TENM4: variants seen among roughly 807,000 people sequenced by gnomAD.
TENM4 encodes teneurin transmembrane protein 4.
A neutral mutation model predicts 243.3 loss-of-function variants in TENM4; 82 were observed. That is an observed-to-expected ratio of 0.34 (90% confidence interval 0.28 to 0.40). The LOEUF is 0.40. TENM4 is among the 10% of genes least tolerant of loss of function. The pLI is 1.00. For synonymous variants in TENM4, 1,412 were observed against 1,456.3 expected (o/e 0.97, Z 0.69); for missense variants, 3,138 against 3,673.3 (o/e 0.85, Z 3.77).
chr11:78,720,330 G>A, intron 25 of TENM4, 40 bp downstream of exon 25: 2 of 1,612,072 alleles, frequency 1.2e-6, no homozygotes, highest in Non-Finnish European at 1.7e-6. Context: ...CATGCAACAA[G>A]GCAGGGGTGA....
intron 9 of TENM4, among the ~76,000 whole-genome samples, chr11:78,879,852 C>T (rs536985831): frequency 1.3e-4 from 20 of 151,984 alleles, no homozygotes; most frequent in Non-Finnish European, 2.2e-4. Context: ...CTGGCTGCCC[C>T]GTCTGGGAAC....
chr11:78,748,185 T>G (rs969646326), intron 19 of TENM4, among the ~76,000 whole-genome samples: 7 of 152,390 alleles, frequency 4.6e-5, no homozygotes, highest in African/African-American at 1.4e-4. Flanking sequence ...TTAACATTAC[T>G]GCTATTTAGT....
At chr11:79,034,581 TAA>T (rs72065276) in intron 6 of TENM4, among the ~76,000 whole-genome samples, 17 of 149,702 alleles carry the variant, frequency 1.1e-4, no homozygotes, top group South Asian at 4.2e-4. Context: ...GAAGTTTAAT[TAA>T]AAAAAATTTT....
At chr11:78,820,921 G>A (rs1187002451) in intron 12 of TENM4, among the ~76,000 whole-genome samples, 1 of 152,246 alleles carries the variant, frequency 6.6e-6, no homozygotes, top group Non-Finnish European at 1.5e-5. Context: ...CACTGGGCAG[G>A]TGCCAGGTGC....
intron 28 of TENM4, among the ~76,000 whole-genome samples, chr11:78,701,078 T>C (rs961761363): frequency 1.3e-5 from 2 of 152,212 alleles, no homozygotes; most frequent in African/African-American, 4.8e-5. Context: ...TTTTTGGAAT[T>C]TGAAGACAAG....
At chr11:79,107,732 C>T (rs1249987662) in intron 4 of TENM4, among the ~76,000 whole-genome samples, 9 of 152,234 alleles carry the variant, frequency 5.9e-5, no homozygotes, top group Non-Finnish European at 1.2e-4. Flanking sequence ...GTCTAATGCC[C>T]TTGATGCCAC....
intron 6 of TENM4, among the ~76,000 whole-genome samples, chr11:78,981,811 T>A (rs1857801017): frequency 6.6e-6 from 1 of 152,182 alleles, no homozygotes; most frequent in Non-Finnish European, 1.5e-5. Flanking sequence ...AGAGTCTTCA[T>A]AAAAACCCAC....
intron 33 of TENM4, among the ~76,000 whole-genome samples, chr11:78,660,705 C>T (rs1418498451): frequency 3.3e-5 from 5 of 152,170 alleles, no homozygotes; most frequent in Non-Finnish European, 1.5e-5. Flanking sequence ...TCACTGGGCA[C>T]AGCATGGGGC....
chr11:79,060,019 C>T (rs1444778149), intron 6 of TENM4, among the ~76,000 whole-genome samples: 1 of 152,358 alleles, frequency 6.6e-6, no homozygotes, highest in South Asian at 2.1e-4. Flanking sequence ...TAGAATCATG[C>T]TGCACACTGA....
chr11:79,037,505 A>T (rs1244453743), intron 6 of TENM4, among the ~76,000 whole-genome samples: 1 of 152,210 alleles, frequency 6.6e-6, no homozygotes, highest in African/African-American at 2.4e-5. Context: ...AGAGCCTAGA[A>T]AACAAATTCC....
intron 3 of TENM4, among the ~76,000 whole-genome samples, chr11:79,160,090 A>G (rs1459258736): frequency 6.6e-6 from 1 of 151,662 alleles, no homozygotes; most frequent in African/African-American, 2.4e-5. Context: ...GCACTCACTC[A>G]CTCATTCCCT....
At chr11:78,801,394 T>C (rs1857279834) in intron 15 of TENM4, among the ~76,000 whole-genome samples, 1 of 152,204 alleles carries the variant, frequency 6.6e-6, no homozygotes, top group Non-Finnish European at 1.5e-5. Context: ...GCAACAGTTA[T>C]GTCGTGTGAT....
chr11:79,227,940 A>G (rs1864302766), intron 2 of TENM4, among the ~76,000 whole-genome samples: 1 of 152,202 alleles, frequency 6.6e-6, no homozygotes, highest in South Asian at 2.1e-4. Context: ...CTGCAACTGT[A>G]GAGGGTAGCA....
intron 6 of TENM4, among the ~76,000 whole-genome samples, chr11:78,975,339 G>A (rs543954329): frequency 1.3e-5 from 2 of 152,148 alleles, no homozygotes; most frequent in South Asian, 4.2e-4. Flanking sequence ...TGGGCTGATG[G>A]AAAGGCCAGT....
chr11:78,713,751 T>A (rs1159882179), intron 25 of TENM4, among the ~76,000 whole-genome samples: 3 of 152,236 alleles, frequency 2.0e-5, no homozygotes, highest in African/African-American at 7.2e-5. Context: ...TACCAATGAT[T>A]GTGTCTCTTC....
chr11:79,286,871 C>CGGG, intron 2 of TENM4, among the ~76,000 whole-genome samples: 1 of 152,184 alleles, frequency 6.6e-6, no homozygotes, highest in South Asian at 2.1e-4. Context: ...TCTTAAACAT[C>CGGG]TTAGAATTTA....
chr11:79,291,487 G>A (rs939582154), intron 2 of TENM4, among the ~76,000 whole-genome samples: 2 of 152,142 alleles, frequency 1.3e-5, no homozygotes, highest in African/African-American at 4.8e-5. Flanking sequence ...TAGCAACAAG[G>A]AAGCCCACCC....
chr11:78,839,869 C>T (rs1166469675), intron 12 of TENM4, among the ~76,000 whole-genome samples: 1 of 152,156 alleles, frequency 6.6e-6, no homozygotes, highest in Non-Finnish European at 1.5e-5. Context: ...CACATCTCAG[C>T]ACGGTGCATT....
At chr11:79,186,153 C>T (rs1004416561) in intron 3 of TENM4, among the ~76,000 whole-genome samples, 5 of 152,168 alleles carry the variant, frequency 3.3e-5, no homozygotes, top group Non-Finnish European at 5.9e-5. Flanking sequence ...ACTATGCTAC[C>T]TTTACTAATA....
Sources: allele counts gnomAD v4.1 joint callset (sites outside exome capture counted in the v4.1 genomes callset), GRCh38; gene constraint gnomAD v4.1.1; transcripts MANE v1.5; gene names NCBI Gene and HGNC (gene_info 2026-07-23, HGNC 2026-07-21).